The following DDX3X variants were observed in gnomAD, a reference collection of about 807,000 sequenced individuals.
The protein encoded by DDX3X is ATP-dependent RNA helicase DDX3X.
DDX3X carries 4 observed loss-of-function variants against 52.7 expected under a neutral mutation model. The ratio of observed to expected loss-of-function variants is 0.08; its 90% CI spans 0.04 to 0.17. The LOEUF (loss-of-function observed/expected upper bound fraction) is 0.17. DDX3X is among the 10% of genes least tolerant of loss of function. DDX3X has a pLI of 1.00. For synonymous variants in DDX3X, 192 were observed against 178.1 expected (o/e 1.08, Z -0.62); for missense variants, 222 against 548.6 (o/e 0.40, Z 5.95).
rs12011185 is a variant in DDX3X at position 41,343,946 on chromosome X, A to G, written c.766-84A>G. 1.0e-3 allele frequency: 1,052 copies of G among 1,011,825 alleles called. 7 individuals are homozygous for G. The African/African-American group carries it at 0.017, about 17-fold the overall frequency. The allele number at this position is 1,011,825 out of a possible 1,213,427, so 83.4% of individuals were successfully genotyped here. ...AGTTTTCAAGTGTAATCTGTAATCT[A>G]TAAATTACAAAAGGGAATTATGTTG... On this transcript the variant is annotated intron_variant, in intron 8 of 16. Coordinates refer to ENST00000644876, the MANE Select transcript of DDX3X (RefSeq NM_001356.5).
At chrX:41,351,503 T>G (rs2063986299), downstream of DDX3X, 1 of 111,450 alleles carries the variant, frequency 9.0e-6, no homozygotes, top group African/African-American at 3.3e-5. Flanking sequence ...GGCCACAGGC[T>G]TGCTCTTTAG....
downstream of DDX3X, among the ~76,000 whole-genome samples, chrX:41,353,106 C>T (rs1455951495): frequency 9.0e-6 from 1 of 110,702 alleles, no homozygotes; most frequent in Admixed American, 9.8e-5. Flanking sequence ...CTGCCTTTGC[C>T]TTAGTTTTTG....
At position 41,346,240 on chromosome X, in the gene DDX3X, C is replaced by T. The variant is rs1179111181; in HGVS notation, c.1327C>T (p.Leu443=). The T allele has an allele frequency of 4.2e-6, 5 of 1,203,019 alleles. No individual in the cohort carries two copies. Among genetic ancestry groups the T allele is most frequent in the Non-Finnish European group, 4.5e-6 (4 of 893,007 alleles). Residue 443 remains leucine, a synonymous_variant, in exon 13 of 17, where the codon CTG becomes TTG. Transcript: ENST00000644876. The part of the protein sequence containing the change: ...DLLNATGKDS[L]TLVFVETKKG... ...TTTTTCAACGACAGGCAAGGATTCA[C>T]TGACCTTAGTGTTTGTGGAGACCAA...
chrX:41,345,623 T>C, intron 12 of DDX3X, 75 bp downstream of exon 12: 1 of 892,071 alleles, frequency 1.1e-6, no homozygotes, highest in Admixed American at 2.7e-5. Flanking sequence ...GCAGGGGTTA[T>C]TCACAGGTGT....
chrX:41,337,485 G>C lies in DDX3X; in HGVS notation c.103+20G>C. ...CCAGCAGTAAGTACAACATCTTGTGGGTTTATTGAATATTAGAGCTTAACA... is the reference window on the plus strand; with the variant it reads ...CCAGCAGTAAGTACAACATCTTGTGCGTTTATTGAATATTAGAGCTTAACA... On this transcript the variant is annotated intron_variant, in intron 2 of 16. Coordinates refer to ENST00000644876, the MANE Select transcript of DDX3X (RefSeq NM_001356.5). The C allele has an allele frequency of 8.6e-7, 1 of 1,161,140 alleles. No individual in the cohort carries two copies. The highest frequency in any genetic ancestry group is 1.2e-6 in the Non-Finnish European group (1 of 854,207).
chrX:41,358,688 C>T (rs1190200282), intron 5 of DDX3X, among the ~76,000 whole-genome samples: 2 of 111,938 alleles, frequency 1.8e-5, no homozygotes, highest in Non-Finnish European at 3.8e-5. Context: ...GCAGAGCCTT[C>T]CCTTTCATAT....
In DDX3X at chrX:41,363,478, G is replaced by A. The variant is rs183532468; in HGVS notation, c.655-796G>A. Among the ~76,000 whole-genome samples the A allele has an allele frequency of 8.3e-5, 9 of 108,782 alleles. No individual in the cohort carries two copies. In the East Asian group the frequency reaches 2.6e-3, roughly 32 times the overall value. The allele number at this position is 108,782 out of a possible 115,157, so 94.5% of individuals were successfully genotyped here. A position where few individuals can be genotyped will look rare whatever the true frequency, so the allele number is the denominator to read the frequency against. On this transcript the variant is annotated intron_variant, in intron 5 of 5. Transcript: ENST00000616050. Reference sequence around the variant, plus strand: ...TGGTTCCTATGGACATATAATAGTTGACTGTCACAAAAAATATAACTCTGG... The same window carrying A: ...TGGTTCCTATGGACATATAATAGTTAACTGTCACAAAAAATATAACTCTGG...
At chrX:41,344,534 T>G in intron 10 of DDX3X, 135 bp downstream of exon 10, 197 of 632,780 alleles carry the variant, frequency 3.1e-4, no homozygotes, top group Non-Finnish European at 3.5e-4. Flanking sequence ...GCCTCCCGGG[T>G]TCAAGCGATT....
At chrX:41,341,320 A>G (rs993100133) in intron 3 of DDX3X, 164 bp from the exon 4 acceptor site, 1 of 419,289 alleles carries the variant, frequency 2.4e-6, no homozygotes, top group East Asian at 4.2e-5. Context: ...GAATTAAAGA[A>G]AAACTTTGTC....
Position 41,345,394 on chromosome X carries a change from T to C in DDX3X, c.1171-10T>C. 1.7e-6 allele frequency: 2 copies of C among 1,197,415 alleles called. No individual in the cohort carries two copies. The highest frequency in any genetic ancestry group is 2.2e-6 in the Non-Finnish European group (2 of 891,340). On this transcript the variant is annotated splice_polypyrimidine_tract_variant and intron_variant, in intron 11 of 16. Coordinates refer to ENST00000644876, the MANE Select transcript of DDX3X (RefSeq NM_001356.5). ...ATCTCAGGTAATAATAAAAATTTTT[T>C]TTCTTTCAGATGCTGGCTCGTGATT... is the stretch of plus-strand genomic sequence containing the variant.
In DDX3X at chrX:41,344,501, G is replaced by A. The variant is rs759374727; in HGVS notation, c.1025+102G>A. ...TGCCCAGGCTGGAGTGCCATGGCGC[G>A]ATCTCGGCTCACCACAACCTCTGCC... is the stretch of plus-strand genomic sequence containing the variant. On this transcript the variant is annotated intron_variant, in intron 10 of 16. Transcript: ENST00000644876. The A allele has an allele frequency of 5.8e-5, 56 of 969,251 alleles. No homozygotes were observed. In the East Asian group the frequency reaches 1.4e-3, roughly 24 times the overall value. 79.9% of individuals were successfully genotyped at this position (969,251 alleles called of 1,213,427 possible).
intron 15 of DDX3X, 71 bp from the exon 16 acceptor site, chrX:41,347,241 A>G: frequency 9.1e-7 from 1 of 1,102,795 alleles, no homozygotes; most frequent in South Asian, 2.1e-5. Context: ...GAAATTGGTC[A>G]TTAGGAAAGA....
intron 7 of DDX3X, 65 bp from the exon 8 acceptor site, chrX:41,343,672 C>T (rs1470598938): frequency 9.9e-7 from 1 of 1,007,206 alleles, no homozygotes; most frequent in East Asian, 3.1e-5. Context: ...AGTTAAAAAA[C>T]ACTGTCATCT....
At chrX:41,334,320 G>C (rs1222431486) in intron 1 of DDX3X, 23 bp downstream of exon 1, 2 of 1,208,437 alleles carry the variant, frequency 1.7e-6, no homozygotes. Context: ...AACCCCACCG[G>C]GCTGGCTGCT....
At chrX:41,333,913 G>A (rs1488733500), upstream of DDX3X, 1 of 197,302 alleles carries the variant, frequency 5.1e-6, no homozygotes, top group East Asian at 9.5e-5. Context: ...TTTTAGCGGA[G>A]AGCACGGGAA....
At chrX:41,334,009 C>T, upstream of DDX3X, 1 of 397,379 alleles carries the variant, frequency 2.5e-6, no homozygotes, top group Non-Finnish European at 4.4e-6. Context: ...AGTAGGAAAT[C>T]CCTTGAGCTT....
intron 1 of DDX3X, chrX:41,334,622 G>T (rs983014992): frequency 2.1e-5 from 23 of 1,076,327 alleles, no homozygotes; most frequent in South Asian, 6.0e-5. Flanking sequence ...TTAGTGACCT[G>T]GGGGGGTTTG....
intron 10 of DDX3X, 34 bp from the exon 11 acceptor site, chrX:41,345,146 A>C (rs1477050915): frequency 6.7e-6 from 8 of 1,195,535 alleles, no homozygotes; most frequent in Non-Finnish European, 9.0e-6. Context: ...CTCAAATTCT[A>C]AACTCAGGCT....
At chrX:41,345,574 T>G (rs2063912443) in intron 12 of DDX3X, 26 bp downstream of exon 12, 1 of 1,158,794 alleles carries the variant, frequency 8.6e-7, no homozygotes, top group Non-Finnish European at 1.2e-6. Context: ...TTTTATTTTA[T>G]TAGACATGGG....
Sources: gnomAD v4.1 joint callset for allele counts (sites outside exome capture counted in the v4.1 genomes callset) on GRCh38, gnomAD v4.1.1 for gene constraint, MANE v1.5 for transcripts, NCBI Gene and HGNC (gene_info 2026-07-23, HGNC 2026-07-21) for gene names.